TRIM72: variants seen among roughly 807,000 people sequenced by gnomAD.
TRIM72 encodes the protein tripartite motif-containing protein 72.
TRIM72 carries 33 observed loss-of-function variants against 31.6 expected under a neutral mutation model. The observed-to-expected ratio is 1.04, with a 90% confidence interval of 0.79 to 1.40. TRIM72 has a LOEUF of 1.40. Ranked by LOEUF, TRIM72 falls within the 40% of genes most tolerant of loss-of-function variation. The probability of loss-of-function intolerance (pLI) is 0.00; values close to 1 mark genes in which losing one functional copy is unlikely to be tolerated. For missense variants in TRIM72, 666 were observed against 682.7 expected (o/e 0.98, Z 0.27); for synonymous variants, 301 against 314.4 (o/e 0.96, Z 0.45).
chr16:31,224,095 G>A, intron 6 of TRIM72, 86 bp from the exon 7 acceptor site: 1 of 1,455,356 alleles, frequency 6.9e-7, no homozygotes, highest in Non-Finnish European at 9.2e-7. Context: ...GAGGATTAGG[G>A]GAGAGAAAGC....
intron 6 of TRIM72, 113 bp from the exon 7 acceptor site, chr16:31,224,068 G>C: frequency 7.9e-7 from 1 of 1,270,040 alleles, no homozygotes; most frequent in South Asian, 1.5e-5. Context: ...CCCAAGCCCA[G>C]TGAGCAGAGA....
In TRIM72 at chr16:31,226,638, A is replaced by G. The variant is rs1189403592; in HGVS notation, c.*1883A>G. 6.6e-6 allele frequency: 1 copy of G among 152,294 alleles called. No individual in the cohort carries two copies. Among genetic ancestry groups the G allele is most frequent in the Non-Finnish European group, 1.5e-5 (1 of 68,134 alleles). The allele number at this position is 152,294 out of a possible 1,614,324, so 9.4% of individuals were successfully genotyped here. A position where few individuals can be genotyped will look rare whatever the true frequency, so the allele number is the denominator to read the frequency against. On this transcript the variant is annotated 3_prime_UTR_variant, in exon 7 of 7. Transcript: ENST00000322122. ...CATGGGGAAGAGAAGGCCCCCAACT[A>G]GATGTCCCAGAACTGGCCGCTCCCC...
chr16:31,221,895 G>A (rs2079536029), intron 5 of TRIM72, among the ~76,000 whole-genome samples: 1 of 151,686 alleles, frequency 6.6e-6, no homozygotes. Context: ...GTTGCTGGGA[G>A]AAGGGTGTTG....
At chr16:31,220,446 T>A (rs967751721) in intron 4 of TRIM72, among the ~76,000 whole-genome samples, 3 of 140,838 alleles carry the variant, frequency 2.1e-5, no homozygotes, top group Non-Finnish European at 4.6e-5. Context: ...GAGTTCTAGG[T>A]CTCTTTTGCG....
chr16:31,218,818 C>T (rs1479650773), intron 2 of TRIM72, among the ~76,000 whole-genome samples: 1 of 152,086 alleles, frequency 6.6e-6, no homozygotes, highest in Non-Finnish European at 1.5e-5. Context: ...TGCCACTGCT[C>T]CAGCCAGGGC....
At chr16:31,218,527 C>G (rs1336616785) in intron 2 of TRIM72, among the ~76,000 whole-genome samples, 3 of 151,920 alleles carry the variant, frequency 2.0e-5, no homozygotes, top group African/African-American at 7.2e-5. Context: ...CTAAAAATAC[C>G]AAAATTAGCC....
intron 5 of TRIM72, 146 bp downstream of exon 5, chr16:31,221,064 C>G: frequency 9.4e-7 from 1 of 1,063,306 alleles, no homozygotes; most frequent in Non-Finnish European, 1.4e-6. Context: ...AGGTTGTAGA[C>G]AGAAATGATC....
At position 31,216,464 on chromosome 16, in the gene TRIM72, T is replaced by C. The variant is rs1596937362; in HGVS notation, c.390+1336T>C. The C allele has an allele frequency of 5.2e-6, 2 of 385,884 alleles. No homozygotes were observed. Among genetic ancestry groups the C allele is most frequent in the Non-Finnish European group, 4.6e-6 (1 of 217,332 alleles). The allele number at this position is 385,884 out of a possible 1,614,324, so 23.9% of individuals were successfully genotyped here. ...ACAAACAAACAAAAAAAACCCAACCTCGCCCAACCTTGCCCGTCTTTATCT... is the reference window on the plus strand; with the variant it reads ...ACAAACAAACAAAAAAAACCCAACCCCGCCCAACCTTGCCCGTCTTTATCT... On this transcript the variant is annotated intron_variant, in intron 2 of 6. Coordinates refer to ENST00000322122, the MANE Select transcript of TRIM72 (RefSeq NM_001008274.4). The surrounding 1 kb of genome is among the most constrained non-coding windows in gnomAD (Gnocchi z 6.7).
chr16:31,223,316 G>C (rs765899801), intron 6 of TRIM72, among the ~76,000 whole-genome samples: 1 of 152,140 alleles, frequency 6.6e-6, no homozygotes, highest in Non-Finnish European at 1.5e-5. Flanking sequence ...TGGAACCCTG[G>C]GGACTGGCCT....
chr16:31,219,085 C>G lies in TRIM72; in HGVS notation c.391-10C>G, dbSNP rs756757681. On this transcript the variant is annotated splice_polypyrimidine_tract_variant and intron_variant, in intron 2 of 6. Transcript: ENST00000322122. The surrounding 1 kb of genome is among the most constrained non-coding windows in gnomAD (Gnocchi z 4.2). ...GCATCCCCATCACTTCTCCATGCCTCGACCCCCAGACACAGCTGCCACAGC... is the reference window on the plus strand; with the variant it reads ...GCATCCCCATCACTTCTCCATGCCTGGACCCCCAGACACAGCTGCCACAGC... 3 of 1,558,762 alleles carry G rather than the reference C, an allele frequency of 1.9e-6. No individual in the cohort carries two copies. Among genetic ancestry groups the G allele is most frequent in the Non-Finnish European group, 2.6e-6 (3 of 1,150,736 alleles).
In TRIM72 at chr16:31,230,442, C is replaced by G. The variant is rs183209894; in HGVS notation, c.*5687C>G. 1 of 152,528 alleles carries G rather than the reference C, an allele frequency of 6.6e-6. No homozygotes were observed. Among genetic ancestry groups the G allele is most frequent in the South Asian group, 2.1e-4 (1 of 4,822 alleles). 9.4% of individuals were successfully genotyped at this position (152,528 alleles called of 1,614,324 possible). A position where few individuals can be genotyped will look rare whatever the true frequency, so the allele number is the denominator to read the frequency against. Reference sequence around the variant, plus strand: ...CCCCACAAAATGCTTAAAAGGTAACCGGAGCCGGGCGTGGTGGCTCACGCC... The same window carrying G: ...CCCCACAAAATGCTTAAAAGGTAACGGGAGCCGGGCGTGGTGGCTCACGCC... On this transcript the variant is annotated 3_prime_UTR_variant, in exon 7 of 7. Coordinates refer to ENST00000322122, the MANE Select transcript of TRIM72 (RefSeq NM_001008274.4).
Position 31,222,923 on chromosome 16 carries a change from G to A in TRIM72, c.837G>A (p.Lys279=), listed in dbSNP as rs758223355. The A allele has an allele frequency of 6.4e-7, 1 of 1,573,214 alleles. No homozygotes were observed. ...ACTTCAAATTCCAGGTGTGGAGGAAGATGTTCCGGGCTCTGATGCCAGGTA... is the reference window on the plus strand; with the variant it reads ...ACTTCAAATTCCAGGTGTGGAGGAAAATGTTCCGGGCTCTGATGCCAGGTA... ...SDDFKFQVWR[K]MFRALMPALE... Residue 279 remains lysine (K), a synonymous_variant, in exon 6 of 7, where the codon AAG becomes AAA. Coordinates refer to ENST00000322122, the MANE Select transcript of TRIM72 (RefSeq NM_001008274.4).
Position 31,219,633 on chromosome 16 carries a change from C to A in TRIM72, c.717+114C>A. The A allele has an allele frequency of 1.0e-6, 1 of 982,768 alleles. No individual in the cohort carries two copies. Among genetic ancestry groups the A allele is most frequent in the Non-Finnish European group, 1.5e-6 (1 of 653,370 alleles). The allele number at this position is 982,768 out of a possible 1,614,324, so 60.9% of individuals were successfully genotyped here. ...GCAGGGATAAGCCAGCAGCACACAG[C>A]CGGGAGGGGCAGGCCTCAGGACTGC... On this transcript the variant is annotated intron_variant, in intron 4 of 6. Transcript: ENST00000322122. This position sits in a 1 kb window ranked among gnomAD's most constrained non-coding sequence, Gnocchi z 4.2.
chr16:31,217,614 C>T (rs906847390), intron 2 of TRIM72, among the ~76,000 whole-genome samples: 1 of 147,472 alleles, frequency 6.8e-6, no homozygotes, highest in African/African-American at 2.5e-5. Flanking sequence ...GTGCAGGGGA[C>T]ATTTTTTTTT....
chr16:31,224,073 C>A, intron 6 of TRIM72, 108 bp from the exon 7 acceptor site: 4 of 1,307,102 alleles, frequency 3.1e-6, no homozygotes, highest in Middle Eastern at 1.9e-4. Context: ...GCCCAGTGAG[C>A]AGAGATGCCA....
chr16:31,221,045 C>T (rs2079531163), intron 5 of TRIM72, 127 bp downstream of exon 5: 2 of 1,206,242 alleles, frequency 1.7e-6, no homozygotes, highest in East Asian at 2.4e-5. Context: ...CCACCCCTGC[C>T]TGAACACAAG....
chr16:31,224,226 TG>T lies in TRIM72; in HGVS notation c.907del (p.Val303TrpfsTer59), dbSNP rs754762140. On this transcript the variant is annotated frameshift_variant, in exon 7 of 7. Transcript: ENST00000322122. LOFTEE classifies it low-confidence loss of function (END_TRUNC). ...TFDPSSAHPS[L>X]VVSSSGRRVE... Reference sequence around the variant, plus strand: ...GACCCGAGCTCTGCGCACCCGAGCCTGGTGGTGTCTTCCTCTGGCCGCCGCG... The same window carrying T: ...GACCCGAGCTCTGCGCACCCGAGCCTGTGGTGTCTTCCTCTGGCCGCCGCG... 5 of 1,604,684 alleles carry T rather than the reference TG, an allele frequency of 3.1e-6. No homozygotes were observed. The South Asian group carries it at 5.5e-5, about 18-fold the overall frequency.
At chr16:31,222,797 C>A in intron 5 of TRIM72, 30 bp from the exon 6 acceptor site, 1 of 667,074 alleles carries the variant, frequency 1.5e-6, no homozygotes, top group Non-Finnish European at 2.5e-6. Context: ...CCCCCTCACA[C>A]ATGCCTCCCC....
rs868381885 is a variant in TRIM72 at position 31,222,909 on chromosome 16, C to T, written c.823C>T (p.Gln275Ter). 1 of 1,564,142 alleles carries T rather than the reference C, an allele frequency of 6.4e-7. No individual in the cohort carries two copies. Among genetic ancestry groups the T allele is most frequent in the African/African-American group, 1.4e-5 (1 of 71,142 alleles). ...AATTATCTCAGATGACTTCAAATTC[C>T]AGGTGTGGAGGAAGATGTTCCGGGC... is the stretch of plus-strand genomic sequence containing the variant. Reference protein sequence around the residue: ...LPIISDDFKFQVWRKMFRALM... With the variant: ...LPIISDDFKF Residue 275 changes from glutamine (Q) to a stop codon, truncating the protein, a stop_gained, in exon 6 of 7, where the codon CAG (glutamine) becomes TAG (stop). Coordinates refer to ENST00000322122, the MANE Select transcript of TRIM72 (RefSeq NM_001008274.4). LOFTEE classifies it low-confidence loss of function (END_TRUNC).
Sources: gnomAD v4.1 joint callset for allele counts (sites outside exome capture counted in the v4.1 genomes callset) on GRCh38, gnomAD v4.1.1 for gene constraint, Gnocchi (gnomAD v3.1) non-coding constraint, MANE v1.5 for transcripts, NCBI Gene and HGNC (gene_info 2026-07-23, HGNC 2026-07-21) for gene names.